TENM2: variants seen among roughly 807,000 people sequenced by gnomAD.
TENM2 encodes the protein teneurin-2.
Under a neutral mutation model 245.2 loss-of-function variants are expected in TENM2, and 52 were observed. The observed-to-expected ratio is 0.21, with a 90% CI of 0.17 to 0.27. The LOEUF is 0.27. Among genes scored for constraint, TENM2 ranks in the 10% least tolerant of loss-of-function variants. The pLI is 1.00. For missense variants in TENM2, 3,046 were observed against 3,666.8 expected (o/e 0.83, Z 4.37); for synonymous variants, 1,363 against 1,438.9 (o/e 0.95, Z 1.19).
At chr5:167,625,267 A>G (rs899856219) in intron 2 of TENM2, among the ~76,000 whole-genome samples, 2 of 152,210 alleles carry the variant, frequency 1.3e-5, no homozygotes, top group African/African-American at 2.4e-5. Flanking sequence ...GGTATTACCA[A>G]TACGTTTAAT....
chr5:168,247,179 C>A lies in TENM2; in HGVS notation c.6240C>A (p.Ser2080=). 1 of 1,613,870 alleles carries A rather than the reference C, an allele frequency of 6.2e-7. No individual in the cohort carries two copies. Among genetic ancestry groups the A allele is most frequent in the South Asian group, 1.1e-5 (1 of 91,078 alleles). ...TGGACAAGCAGATCTACAGGTTCTC[C>A]GAGGAAGGCATGGTCAATGCCAGGT... is the stretch of plus-strand genomic sequence containing the variant. Residue 2080 remains serine (S), a synonymous_variant, in exon 27 of 29, where the codon TCC becomes TCA. Transcript: ENST00000518659. The surrounding 1 kb of genome is among the most constrained non-coding windows in gnomAD (Gnocchi z 7.8).
chr5:167,663,931 A>T (rs1755406198), intron 2 of TENM2, among the ~76,000 whole-genome samples: 1 of 152,178 alleles, frequency 6.6e-6, no homozygotes, highest in African/African-American at 2.4e-5. Flanking sequence ...AAAATTCTTT[A>T]AAAAATATTC....
At chr5:168,263,943 C>G (rs545191747), downstream of TENM2, 1 of 151,558 alleles carries the variant, frequency 6.6e-6, no homozygotes, top group Non-Finnish European at 1.5e-5. Context: ...AAAATAAAAA[C>G]AAAAAAAATT....
At chr5:167,269,259 T>C in the TENM2 span, among the ~76,000 whole-genome samples, 397 of 152,196 alleles carry the variant, frequency 2.6e-3, 2 homozygotes, top group Admixed American at 6.7e-3. Flanking sequence ...ATTTTTCCCA[T>C]CATTTTTTTG....
At chr5:167,179,809 G>A in the TENM2 span, among the ~76,000 whole-genome samples, 3 of 152,122 alleles carry the variant, frequency 2.0e-5, no homozygotes, top group South Asian at 2.1e-4. Flanking sequence ...CAGGACCGTT[G>A]GTCACCCTGT....
intron 2 of TENM2, among the ~76,000 whole-genome samples, chr5:167,801,095 GAAAAAA>G (rs1176405769): frequency 2.0e-4 from 10 of 50,712 alleles, no homozygotes; most frequent in African/African-American, 5.6e-4. Flanking sequence ...TATTTGAAAA[GAAAAAA>G]AAAAAAAAAT....
chr5:167,390,083 G>A (rs886567875), intron 2 of TENM2, among the ~76,000 whole-genome samples: 2 of 152,156 alleles, frequency 1.3e-5, no homozygotes, highest in South Asian at 4.1e-4. Flanking sequence ...CTTAAAAAGT[G>A]TTCACTTATT....
At chr5:167,619,943 A>T (rs933008079) in intron 2 of TENM2, among the ~76,000 whole-genome samples, 2 of 152,160 alleles carry the variant, frequency 1.3e-5, no homozygotes, top group Non-Finnish European at 2.9e-5. Context: ...ACCACCACTA[A>T]TGTGGTCCAT....
chr5:167,807,124 T>TAAAAAAAAAAAAAAAAAAAAAA lies in TENM2; in HGVS notation c.503-68851_503-68830dup, dbSNP rs1178739925. On this transcript the variant is annotated intron_variant, in intron 2 of 28. Coordinates refer to ENST00000518659, the Ensembl canonical transcript of TENM2. The stretch of plus-strand genomic sequence containing the variant: ...ACAGTTTGGCCCAAAGCCCCTAGGT[T>TAAAAAAAAAAAAAAAAAAAAAA]AAAAAAAAAAAAAAAAAAAAAAAAA... Among the ~76,000 whole-genome samples the TAAAAAAAAAAAAAAAAAAAAAA allele has an allele frequency of 2.4e-4, 12 of 49,078 alleles. 1 individual carries two copies. Among genetic ancestry groups the TAAAAAAAAAAAAAAAAAAAAAA allele is most frequent in the African/African-American group, 8.4e-4 (10 of 11,844 alleles). The allele number at this position is 49,078 out of a possible 152,430, so 32.2% of individuals were successfully genotyped here. A position where few individuals can be genotyped will look rare whatever the true frequency, so the allele number is the denominator to read the frequency against.
intron 2 of TENM2, among the ~76,000 whole-genome samples, chr5:167,684,465 T>G (rs1319789789): frequency 1.3e-5 from 2 of 152,208 alleles, no homozygotes; most frequent in Admixed American, 1.3e-4. Context: ...AGTAAGTACG[T>G]GGGGAGAATG....
chr5:167,341,190 T>G (rs1215753147), intron 1 of TENM2, among the ~76,000 whole-genome samples: 1 of 152,222 alleles, frequency 6.6e-6, no homozygotes, highest in Non-Finnish European at 1.5e-5. Flanking sequence ...GGCAGGCCCC[T>G]GTGAGTTGTT....
chr5:166,994,506 A>C, the TENM2 span, among the ~76,000 whole-genome samples: 296 of 152,256 alleles, frequency 1.9e-3, 3 homozygotes, highest in Middle Eastern at 0.041. Flanking sequence ...TATGCATTTG[A>C]GTGCCTGACA....
At chr5:167,199,760 T>A in the TENM2 span, among the ~76,000 whole-genome samples, 1,036 of 152,188 alleles carry the variant, frequency 6.8e-3, 14 homozygotes, top group African/African-American at 0.024. Flanking sequence ...TTCAAATAAG[T>A]CCTTAGGTCA....
chr5:167,939,362 G>A (rs1167511227), intron 3 of TENM2, among the ~76,000 whole-genome samples: 1 of 152,182 alleles, frequency 6.6e-6, no homozygotes, highest in African/African-American at 2.4e-5. Context: ...AGGAGGCGGA[G>A]CTCAGGCAGT....
At chr5:167,744,432 T>G (rs1370502924) in intron 2 of TENM2, among the ~76,000 whole-genome samples, 1 of 152,172 alleles carries the variant, frequency 6.6e-6, no homozygotes, top group African/African-American at 2.4e-5. Context: ...ATGACTGAGT[T>G]ATGGGACTCT....
the TENM2 span, among the ~76,000 whole-genome samples, chr5:167,047,665 A>G: frequency 0.013 from 2,036 of 152,286 alleles, 36 homozygotes; most frequent in African/African-American, 0.046. Flanking sequence ...TTGAGATTTC[A>G]AAAACCTCCT....
intron 2 of TENM2, among the ~76,000 whole-genome samples, chr5:167,806,331 G>T (rs954799567): frequency 6.6e-6 from 1 of 151,946 alleles, no homozygotes; most frequent in Non-Finnish European, 1.5e-5. Context: ...CTGATTTTTT[G>T]GAGAGCCCAA....
At chr5:167,897,944 T>C (rs1166077648) in intron 3 of TENM2, among the ~76,000 whole-genome samples, 2 of 148,750 alleles carry the variant, frequency 1.3e-5, no homozygotes, top group Admixed American at 6.7e-5. Context: ...ACCTTAAACA[T>C]TGGAAGCAGC....
intron 2 of TENM2, among the ~76,000 whole-genome samples, chr5:167,844,550 T>G (rs1769852290): frequency 6.6e-6 from 1 of 152,226 alleles, no homozygotes; most frequent in African/African-American, 2.4e-5. Context: ...GTTTGGTAAT[T>G]CTTTGGTCTG....
Sources: gnomAD v4.1 joint callset for allele counts (sites outside exome capture counted in the v4.1 genomes callset) on GRCh38, gnomAD v4.1.1 for gene constraint, Gnocchi (gnomAD v3.1) non-coding constraint, MANE v1.5 for transcripts, NCBI Gene and HGNC (gene_info 2026-07-23, HGNC 2026-07-21) for gene names.